ADAM18: variants seen among roughly 807,000 people sequenced by gnomAD.
The protein encoded by ADAM18 is disintegrin and metalloproteinase domain-containing protein 18.
A neutral mutation model predicts 94.4 loss-of-function variants in ADAM18; 117 were observed. The observed-to-expected ratio is 1.24, with a 90% CI of 1.07 to 1.45. ADAM18 has a LOEUF of 1.45. ADAM18 is among the 40% of genes most tolerant of loss of function. The pLI is 0.00. For synonymous variants in ADAM18, 327 were observed against 291.6 expected (o/e 1.12, Z -1.24); for missense variants, 936 against 880.0 (o/e 1.06, Z -0.81).
chr8:39,683,187 G>C lies in ADAM18; in HGVS notation c.1821+2961G>C, dbSNP rs112850831. On this transcript the variant is annotated intron_variant, in intron 16 of 19. Transcript: ENST00000265707. ...TTGAAGAGTAATACATGGGAAGAAA[G>C]TGAATATGGCCTCCATCCAAAAGAC... Among the ~76,000 whole-genome samples, 5 of 152,336 alleles carry C rather than the reference G, an allele frequency of 3.3e-5. 1 individual carries two copies. The highest frequency in any genetic ancestry group is 1.2e-4 in the African/African-American group (5 of 41,584).
At chr8:39,656,991 A>G (rs1008010779) in intron 12 of ADAM18, among the ~76,000 whole-genome samples, 2 of 152,256 alleles carry the variant, frequency 1.3e-5, no homozygotes, top group Non-Finnish European at 2.9e-5. Context: ...TTGAACACAT[A>G]CATAAATGTG....
At chr8:39,715,507 A>G (rs1339860672) in intron 18 of ADAM18, among the ~76,000 whole-genome samples, 8 of 151,934 alleles carry the variant, frequency 5.3e-5, no homozygotes, top group Non-Finnish European at 1.5e-5. Context: ...AGGAAAATCA[A>G]TGAAAGACTG....
intron 12 of ADAM18, among the ~76,000 whole-genome samples, chr8:39,659,381 AC>A (rs1476544209): frequency 2.0e-5 from 3 of 152,066 alleles, no homozygotes; most frequent in Admixed American, 6.6e-5. Context: ...TAAAAAAAAA[AC>A]AAGCAAATAC....
At chr8:39,609,677 TTTTC>T (rs1819206851) in intron 5 of ADAM18, 116 bp downstream of exon 5, 1 of 674,266 alleles carries the variant, frequency 1.5e-6, no homozygotes, top group Admixed American at 2.7e-5. Flanking sequence ...AAATGGAAAG[TTTTC>T]TTTCTAACAG....
intron 6 of ADAM18, among the ~76,000 whole-genome samples, chr8:39,620,388 C>T (rs1455893715): frequency 2.5e-5 from 3 of 121,102 alleles, no homozygotes; most frequent in Non-Finnish European, 5.4e-5. Flanking sequence ...AAAAAAATCA[C>T]AAAACAAAAC....
intron 2 of ADAM18, among the ~76,000 whole-genome samples, chr8:39,592,716 A>G (rs568661171): frequency 6.6e-6 from 1 of 152,336 alleles, no homozygotes; most frequent in South Asian, 2.1e-4. Flanking sequence ...CAGAATACCT[A>G]CTGGGAACAA....
intron 18 of ADAM18, among the ~76,000 whole-genome samples, chr8:39,715,467 TA>T (rs1210638749): frequency 3.2e-5 from 4 of 125,170 alleles, no homozygotes; most frequent in African/African-American, 1.3e-4. Flanking sequence ...TAAAAATTGA[TA>T]AAATAGAAAA....
At chr8:39,605,364 T>C (rs1197022203) in intron 2 of ADAM18, among the ~76,000 whole-genome samples, 1 of 152,208 alleles carries the variant, frequency 6.6e-6, no homozygotes, top group Non-Finnish European at 1.5e-5. Flanking sequence ...GCATTGTTAG[T>C]ACCCAATTTG....
At chr8:39,698,538 A>G (rs1821985399) in intron 17 of ADAM18, among the ~76,000 whole-genome samples, 1 of 152,012 alleles carries the variant, frequency 6.6e-6, no homozygotes, top group South Asian at 2.1e-4. Flanking sequence ...CCAACACATC[A>G]GGAGTCACAG....
At chr8:39,609,767 G>T (rs1444871438) in intron 5 of ADAM18, among the ~76,000 whole-genome samples, 1 of 152,066 alleles carries the variant, frequency 6.6e-6, no homozygotes, top group Non-Finnish European at 1.5e-5. Context: ...GGGTTATCGT[G>T]GAAAATGGAA....
chr8:39,686,374 C>A (rs1821605661), intron 16 of ADAM18, among the ~76,000 whole-genome samples: 1 of 152,192 alleles, frequency 6.6e-6, no homozygotes, highest in South Asian at 2.1e-4. Flanking sequence ...GATTTAGTGC[C>A]TGGTTAGGAC....
chr8:39,695,035 C>T (rs923114957), intron 17 of ADAM18, among the ~76,000 whole-genome samples: 3 of 151,466 alleles, frequency 2.0e-5, no homozygotes, highest in African/African-American at 7.2e-5. Flanking sequence ...TATGATCCCT[C>T]CATGTCTTTT....
At chr8:39,667,261 G>A (rs534701709) in intron 13 of ADAM18, among the ~76,000 whole-genome samples, 4 of 151,982 alleles carry the variant, frequency 2.6e-5, no homozygotes, top group African/African-American at 9.6e-5. Context: ...AATTAGCCAG[G>A]CGTGGTGGCA....
At chr8:39,663,725 AATTGAG>A in intron 12 of ADAM18, 64 bp from the exon 13 acceptor site, 3 of 960,152 alleles carry the variant, frequency 3.1e-6, no homozygotes. Flanking sequence ...ATTAAATTGA[AATTGAG>A]ATTAAGAAAC....
rs539318064 is a variant in ADAM18, at chr8:39,723,666, C to T, written c.2018-82C>T. The T allele has an allele frequency of 3.3e-5, 34 of 1,016,802 alleles. 1 individual carries two copies. Among genetic ancestry groups the T allele is most frequent in the Admixed American group, 2.5e-4 (8 of 31,946 alleles). The allele number at this position is 1,016,802 out of a possible 1,614,324, so 63.0% of individuals were successfully genotyped here. ...GCATTAAAACTTCATTATATATACA[C>T]GTATATGATTAAGTGAAAAAATATA... On this transcript the variant is annotated intron_variant, in intron 18 of 19. Coordinates refer to ENST00000265707, the MANE Select transcript of ADAM18 (RefSeq NM_014237.3).
At chr8:39,654,106 A>C (rs1820617380) in intron 12 of ADAM18, among the ~76,000 whole-genome samples, 1 of 149,852 alleles carries the variant, frequency 6.7e-6, no homozygotes, top group Admixed American at 6.6e-5. Flanking sequence ...ACTTAAGATA[A>C]TGTCCTCCAG....
intron 19 of ADAM18, among the ~76,000 whole-genome samples, chr8:39,728,750 T>C (rs1050128888): frequency 6.6e-6 from 1 of 152,180 alleles, no homozygotes; most frequent in African/African-American, 2.4e-5. Context: ...GAAAAATGAA[T>C]TGTAAAAAAG....
At chr8:39,681,667 GA>G (rs985480742) in intron 16 of ADAM18, among the ~76,000 whole-genome samples, 4 of 152,134 alleles carry the variant, frequency 2.6e-5, no homozygotes, top group Non-Finnish European at 5.9e-5. Context: ...CCAAGATACA[GA>G]AAGCTCATAT....
At chr8:39,684,629 G>A (rs963006889) in intron 16 of ADAM18, among the ~76,000 whole-genome samples, 2 of 152,162 alleles carry the variant, frequency 1.3e-5, no homozygotes, top group Admixed American at 1.3e-4. Flanking sequence ...TGTACTCATT[G>A]TTGCCCTGGT....
Sources: allele counts gnomAD v4.1 joint callset (sites outside exome capture counted in the v4.1 genomes callset), GRCh38; gene constraint gnomAD v4.1.1; transcripts MANE v1.5; gene names NCBI Gene and HGNC (gene_info 2026-07-23, HGNC 2026-07-21).